MROH2A: variants seen among roughly 807,000 people sequenced by gnomAD.
MROH2A encodes maestro heat-like repeat-containing protein family member 2A.
Under a neutral mutation model 200.4 loss-of-function variants are expected in MROH2A, and 174 were observed. That is an observed-to-expected ratio of 0.87 (90% CI 0.77 to 0.98). MROH2A has a LOEUF of 0.98. Among genes scored for constraint, MROH2A ranks in the 50% least tolerant of loss-of-function variants. MROH2A has a pLI of 0.00. For synonymous variants in MROH2A, 829 were observed against 840.4 expected (o/e 0.99, Z 0.23); for missense variants, 2,045 against 2,139.6 (o/e 0.96, Z 0.87).
At chr2:233,809,391 A>G in intron 22 of MROH2A, 113 bp downstream of exon 22, 6 of 1,177,804 alleles carry the variant, frequency 5.1e-6, no homozygotes, top group Non-Finnish European at 6.0e-6. Context: ...CAGGCATCTT[A>G]CCTGATGCCC....
chr2:233,819,741 T>G (rs1204420395), intron 30 of MROH2A, among the ~76,000 whole-genome samples, 161 bp from the exon 31 acceptor site: 3 of 152,168 alleles, frequency 2.0e-5, no homozygotes, highest in African/African-American at 7.2e-5. Flanking sequence ...AAAATGAGTT[T>G]GAGGCAGAGA....
At position 233,814,672 on chromosome 2, in the gene MROH2A, G is replaced by C. The variant is rs1335213486; in HGVS notation, c.2851G>C (p.Val951Leu). The change falls in exon 26 of 42, where the codon GTG (valine) becomes CTG (leucine). Residue 951 changes from valine (V) to leucine (L), a missense_variant. Val to Leu is a conservative substitution (Grantham distance 32, BLOSUM62 1). Coordinates refer to ENST00000389758, the MANE Select transcript of MROH2A (RefSeq NM_001394639.1). ...QLDPKGLQEMVQLLEKWILSE... is the reference protein window; with the variant it reads ...QLDPKGLQEMLQLLEKWILSE... ...GGACCCCAAGGGGCTGCAGGAGATG[G>C]TGCAGGTGAGTTGCCTGGTGGCGGG... 1 of 1,549,134 alleles carries C rather than the reference G, an allele frequency of 6.5e-7. No individual in the cohort carries two copies. Among genetic ancestry groups the C allele is most frequent in the Non-Finnish European group, 8.7e-7 (1 of 1,146,118 alleles).
intron 41 of MROH2A, 119 bp downstream of exon 41, chr2:233,832,763 T>TGCCGGGGGGGG: frequency 2.1e-5 from 8 of 389,304 alleles, no homozygotes; most frequent in East Asian, 1.3e-4. Context: ...TTCGGGGGGG[T>TGCCGGGGGGGG]GGGAGTGCAA....
intron 31 of MROH2A, among the ~76,000 whole-genome samples, chr2:233,821,006 G>A (rs543988950): frequency 5.3e-5 from 8 of 152,302 alleles, no homozygotes; most frequent in East Asian, 3.9e-4. Context: ...TCAGGCTGGC[G>A]TACTTGGTGG....
intron 4 of MROH2A, 39 bp downstream of exon 4, chr2:233,789,667 G>C (rs1168990426): frequency 6.9e-7 from 1 of 1,446,224 alleles, no homozygotes; most frequent in Non-Finnish European, 9.1e-7. Flanking sequence ...CCCTCTGCCA[G>C]CCCAGGAGCT....
Position 233,816,908 on chromosome 2 carries a change from C to T in MROH2A, c.2961+23C>T, listed in dbSNP as rs765507186. The T allele has an allele frequency of 1.7e-5, 24 of 1,393,096 alleles. No individual in the cohort carries two copies. In the South Asian group the frequency reaches 2.6e-4, roughly 15 times the overall value. 86.3% of individuals were successfully genotyped at this position (1,393,096 alleles called of 1,614,324 possible). On this transcript the variant is annotated intron_variant, in intron 27 of 41. Transcript: ENST00000389758. ...TGTGTGAGTCCAGGAGTCCCCAGCCCCCAGCCTGCTGCTCTGACATGCACA... is the reference window on the plus strand; with the variant it reads ...TGTGTGAGTCCAGGAGTCCCCAGCCTCCAGCCTGCTGCTCTGACATGCACA...
chr2:233,790,478 TTCCTCCCTCCC>T (rs1701661632), intron 5 of MROH2A, among the ~76,000 whole-genome samples: 1 of 59,896 alleles, frequency 1.7e-5, no homozygotes, highest in South Asian at 9.5e-4. Context: ...CCCTCCTTCC[TTCCTCCCTCCC>T]TCCTTCCTTC....
At chr2:233,816,617 C>T (rs1703548981) in intron 26 of MROH2A, among the ~76,000 whole-genome samples, 164 bp from the exon 27 acceptor site, 1 of 152,206 alleles carries the variant, frequency 6.6e-6, no homozygotes, top group Admixed American at 6.5e-5. Context: ...ATGCTCTTTC[C>T]CTGCCTACAG....
intron 29 of MROH2A, among the ~76,000 whole-genome samples, chr2:233,819,025 CTG>C (rs1339524220): frequency 1.3e-5 from 2 of 152,246 alleles, no homozygotes; most frequent in African/African-American, 4.8e-5. Context: ...ATGTGCCACA[CTG>C]AGTGCTGAAA....
intron 21 of MROH2A, among the ~76,000 whole-genome samples, chr2:233,808,233 G>A (rs573254252): frequency 6.6e-6 from 1 of 152,244 alleles, no homozygotes; most frequent in Admixed American, 6.5e-5. Flanking sequence ...GTGGGTGCTT[G>A]ACACTAGGAG....
chr2:233,807,920 AC>A lies in MROH2A; in HGVS notation c.2295+66del. 6.5e-7 allele frequency: 1 copy of A among 1,543,706 alleles called. No individual in the cohort carries two copies. Among genetic ancestry groups the A allele is most frequent in the Admixed American group, 2.0e-5 (1 of 50,750 alleles). On this transcript the variant is annotated intron_variant, in intron 21 of 41. Coordinates refer to ENST00000389758, the MANE Select transcript of MROH2A (RefSeq NM_001394639.1). The surrounding 1 kb of genome is among the most constrained non-coding windows in gnomAD (Gnocchi z 4.3). ...TTAGCACAGTGCTCTGGGCACTGAC[AC>A]AAAGTCCTTTCTAGATCTCAGTAGG...
chr2:233,808,784 A>G (rs1702965327), intron 21 of MROH2A, among the ~76,000 whole-genome samples: 2 of 152,130 alleles, frequency 1.3e-5, no homozygotes, highest in South Asian at 4.1e-4. Flanking sequence ...GGTGCCTGGT[A>G]GGTGAAGGTA....
upstream of MROH2A, among the ~76,000 whole-genome samples, chr2:233,777,150 G>A (rs1400668696): frequency 6.6e-6 from 1 of 152,212 alleles, no homozygotes; most frequent in Non-Finnish European, 1.5e-5. Context: ...CAGTCATTAA[G>A]TTTTGAGGTG....
intron 3 of MROH2A, among the ~76,000 whole-genome samples, chr2:233,785,228 G>A (rs1241230537): frequency 4.6e-5 from 7 of 152,068 alleles, no homozygotes; most frequent in Admixed American, 4.6e-4. Context: ...TGAAAGGACA[G>A]TTTATTGGCT....
intron 5 of MROH2A, among the ~76,000 whole-genome samples, chr2:233,790,357 C>T (rs1419229239): frequency 6.7e-6 from 1 of 148,564 alleles, no homozygotes; most frequent in Non-Finnish European, 1.5e-5. Flanking sequence ...CTTCCTCTCC[C>T]TCCCCCTTTT....
At chr2:233,788,084 A>T (rs1575909037) in intron 3 of MROH2A, among the ~76,000 whole-genome samples, 1 of 94,968 alleles carries the variant, frequency 1.1e-5, no homozygotes, top group African/African-American at 4.3e-5. Flanking sequence ...CATATATATT[A>T]TATATACATA....
chr2:233,831,448 G>A lies in MROH2A; in HGVS notation c.4642G>A (p.Gly1548Ser), dbSNP rs1392985126. The A allele has an allele frequency of 1.9e-6, 3 of 1,550,414 alleles. No homozygotes were observed. Among genetic ancestry groups the A allele is most frequent in the Non-Finnish European group, 2.6e-6 (3 of 1,146,964 alleles). The change falls in exon 39 of 42, where the codon GGC (glycine) becomes AGC (serine). Residue 1548 changes from glycine (G) to serine (S), a missense_variant. By Grantham distance (56) the Gly-to-Ser change is moderately conservative. Coordinates refer to ENST00000389758, the MANE Select transcript of MROH2A (RefSeq NM_001394639.1). ...ATMFQCVHFWGWKSLEHPSGP... is the reference protein window; with the variant it reads ...ATMFQCVHFWSWKSLEHPSGP... ...CATGTTTCAGTGTGTGCACTTCTGGGGCTGGAAGTCCCTGGAGCATCCCTC... is the reference window on the plus strand; with the variant it reads ...CATGTTTCAGTGTGTGCACTTCTGGAGCTGGAAGTCCCTGGAGCATCCCTC...
chr2:233,820,569 C>T lies in MROH2A; in HGVS notation c.3512+513C>T, dbSNP rs1055391441. ...CCCCATCTTTATTGGTGTTTCTCTG[C>T]AGACAGTGCAGAGCTCCTGTGTGTG... is the stretch of plus-strand genomic sequence containing the variant. On this transcript the variant is annotated intron_variant, in intron 31 of 41. Transcript: ENST00000389758. This position sits in a 1 kb window ranked among gnomAD's most constrained non-coding sequence, Gnocchi z 4.1. Among the ~76,000 whole-genome samples, 1 of 152,108 alleles carries T rather than the reference C, an allele frequency of 6.6e-6. No individual in the cohort carries two copies. The highest frequency in any genetic ancestry group is 1.5e-5 in the Non-Finnish European group (1 of 68,018).
intron 37 of MROH2A, 67 bp downstream of exon 37, chr2:233,829,139 A>G: frequency 5.7e-6 from 8 of 1,400,684 alleles, no homozygotes; most frequent in Non-Finnish European, 5.7e-6. Context: ...ACCCTAAGGA[A>G]GAGATGGGCT....
Sources: gnomAD v4.1 joint callset for allele counts (sites outside exome capture counted in the v4.1 genomes callset) on GRCh38, gnomAD v4.1.1 for gene constraint, Gnocchi (gnomAD v3.1) non-coding constraint, MANE v1.5 for transcripts, NCBI Gene and HGNC (gene_info 2026-07-23, HGNC 2026-07-21) for gene names.